Variants in SNTG1 observed in about 807,000 individuals in gnomAD.
The protein encoded by SNTG1 is gamma-1-syntrophin.
Under a neutral mutation model 74.7 loss-of-function variants are expected in SNTG1, and 39 were observed. The ratio of observed to expected loss-of-function variants is 0.52; its 90% confidence interval spans 0.40 to 0.68. The LOEUF (loss-of-function observed/expected upper bound fraction) is 0.68, where lower values mean the gene tolerates loss of function less well. Ranked by LOEUF, SNTG1 falls within the 30% of genes least tolerant of loss-of-function variation. The pLI is 0.00. For missense variants in SNTG1, 685 were observed against 609.5 expected (o/e 1.12, Z -1.30); for synonymous variants, 254 against 217.1 (o/e 1.17, Z -1.49).
intron 16 of SNTG1, among the ~76,000 whole-genome samples, chr8:50,705,283 C>A (rs947645265): frequency 2.6e-5 from 4 of 151,972 alleles, no homozygotes; most frequent in Non-Finnish European, 5.9e-5. Context: ...GTTCAAACAA[C>A]TCTTCTTCTC....
intron 9 of SNTG1, among the ~76,000 whole-genome samples, chr8:50,522,847 G>A (rs2094191261): frequency 6.6e-6 from 1 of 152,126 alleles, no homozygotes; most frequent in Non-Finnish European, 1.5e-5. Flanking sequence ...AAAGTGCTGG[G>A]ATTATAGGCA....
At chr8:50,115,580 A>AAAAAAAAAAC (rs1554580689) in intron 1 of SNTG1, among the ~76,000 whole-genome samples, 41 of 148,500 alleles carry the variant, frequency 2.8e-4, no homozygotes, top group African/African-American at 9.0e-4. Flanking sequence ...AAAAAAAAAA[A>AAAAAAAAAAC]AAAAAAACGA....
intron 2 of SNTG1, among the ~76,000 whole-genome samples, chr8:50,214,526 G>C (rs2084683576): frequency 6.6e-6 from 1 of 152,110 alleles, no homozygotes; most frequent in South Asian, 2.1e-4. Flanking sequence ...TGATACAACA[G>C]TTTTCACCTA....
chr8:49,916,285 C>T lies in SNTG1; in HGVS notation c.-103+4054C>T, dbSNP rs534798879. On this transcript the variant is annotated intron_variant, in intron 1 of 18. Transcript: ENST00000642720. ...AGGTCATTAAAATAATGTCTTGAGG[C>T]CAGAGAATTTATCTTTGAATTATCC... Among the ~76,000 whole-genome samples, 87 of 151,742 alleles carry T rather than the reference C, an allele frequency of 5.7e-4. 2 individuals are homozygous for T. Among genetic ancestry groups the T allele is most frequent in the Non-Finnish European group, 2.9e-5 (2 of 67,912 alleles).
At chr8:50,353,607 T>C (rs1563932988) in intron 2 of SNTG1, among the ~76,000 whole-genome samples, 3 of 152,186 alleles carry the variant, frequency 2.0e-5, no homozygotes, top group Admixed American at 1.3e-4. Context: ...CTTTGCTCCA[T>C]ACAATTCATA....
intron 17 of SNTG1, among the ~76,000 whole-genome samples, chr8:50,728,181 TCCA>T (rs911330336): frequency 1.6e-4 from 25 of 152,198 alleles, no homozygotes; most frequent in Non-Finnish European, 2.9e-4. Flanking sequence ...CCAGGTCTAT[TCCA>T]CCACACCTTG....
intron 2 of SNTG1, among the ~76,000 whole-genome samples, chr8:50,270,585 T>C (rs1234474810): frequency 6.6e-6 from 1 of 152,174 alleles, no homozygotes; most frequent in Non-Finnish European, 1.5e-5. Context: ...ACTAGGTTGA[T>C]AAGCTAGATT....
intron 2 of SNTG1, among the ~76,000 whole-genome samples, chr8:50,335,232 C>A (rs1180192012): frequency 9.2e-5 from 14 of 152,186 alleles, no homozygotes. Context: ...ATATTGCAGT[C>A]ATAACAGATA....
chr8:49,958,953 T>C (rs1434950160), intron 1 of SNTG1, among the ~76,000 whole-genome samples: 1 of 152,228 alleles, frequency 6.6e-6, no homozygotes, highest in Non-Finnish European at 1.5e-5. Context: ...TGTTTGAAAG[T>C]GTGCTTTTAA....
intron 1 of SNTG1, among the ~76,000 whole-genome samples, chr8:50,028,143 A>C (rs1423779300): frequency 6.6e-6 from 1 of 152,140 alleles, no homozygotes; most frequent in Non-Finnish European, 1.5e-5. Context: ...ATACCCTAGC[A>C]ACCACTAATG....
chr8:50,496,919 T>C (rs1450882094), intron 8 of SNTG1, among the ~76,000 whole-genome samples: 6 of 151,964 alleles, frequency 3.9e-5, no homozygotes, highest in Admixed American at 2.0e-4. Flanking sequence ...ATAGAACCTG[T>C]ATTTTCCAAC....
intron 8 of SNTG1, among the ~76,000 whole-genome samples, chr8:50,482,456 C>G (rs1273387671): frequency 6.6e-6 from 1 of 152,190 alleles, no homozygotes; most frequent in African/African-American, 2.4e-5. Context: ...TTTTGTAACA[C>G]TGTCTCATTT....
At chr8:50,512,349 T>C (rs1377115647) in intron 9 of SNTG1, among the ~76,000 whole-genome samples, 1 of 152,106 alleles carries the variant, frequency 6.6e-6, no homozygotes, top group African/African-American at 2.4e-5. Flanking sequence ...GCCCTTAACA[T>C]TTTTTCCTTC....
rs140580749 is a variant in SNTG1 at position 50,703,782 on chromosome 8, C to T, written c.1039-818C>T. 1.6e-3 allele frequency among the ~76,000 whole-genome samples: 249 copies of T among 152,212 alleles called. 2 individuals carry two copies. The highest frequency in any genetic ancestry group is 5.8e-3 in the African/African-American group (239 of 41,534). On this transcript the variant is annotated intron_variant, in intron 15 of 18. Coordinates refer to ENST00000642720, the MANE Select transcript of SNTG1 (RefSeq NM_018967.5). Reference sequence around the variant, plus strand: ...GCATTGCTCTATGACATTACAACGGCTATGACATTGCTAGGGGATAGGAAT... The same window carrying T: ...GCATTGCTCTATGACATTACAACGGTTATGACATTGCTAGGGGATAGGAAT...
chr8:50,473,544 T>C (rs1455980802), intron 8 of SNTG1, among the ~76,000 whole-genome samples: 2 of 152,184 alleles, frequency 1.3e-5, no homozygotes, highest in Non-Finnish European at 2.9e-5. Flanking sequence ...AGCTACCATA[T>C]GATCCAGAGT....
intron 12 of SNTG1, among the ~76,000 whole-genome samples, chr8:50,556,078 A>T (rs2094453964): frequency 6.6e-6 from 1 of 152,160 alleles, no homozygotes; most frequent in Non-Finnish European, 1.5e-5. Context: ...TCCAGAAATA[A>T]TTGATCATAA....
intron 1 of SNTG1, among the ~76,000 whole-genome samples, chr8:50,128,239 A>T (rs2081207650): frequency 6.6e-6 from 1 of 152,136 alleles, no homozygotes. Context: ...CTGATGGTGA[A>T]CAGGAATGAA....
intron 2 of SNTG1, among the ~76,000 whole-genome samples, chr8:50,269,034 G>A (rs1340481733): frequency 1.3e-5 from 2 of 152,140 alleles, no homozygotes; most frequent in African/African-American, 4.8e-5. Flanking sequence ...TATTTGAGCA[G>A]TTAGATTTAG....
intron 17 of SNTG1, among the ~76,000 whole-genome samples, chr8:50,730,308 A>C (rs1585656971): frequency 6.6e-6 from 1 of 152,346 alleles, no homozygotes. Context: ...GGCATTAATT[A>C]GTGTGAAAAA....
Sources: allele counts gnomAD v4.1 joint callset (sites outside exome capture counted in the v4.1 genomes callset), GRCh38; gene constraint gnomAD v4.1.1; transcripts MANE v1.5; gene names NCBI Gene and HGNC (gene_info 2026-07-23, HGNC 2026-07-21).